Variants in RHOU observed in about 807,000 individuals in gnomAD.
RHOU encodes the protein ras homolog family member U.
A neutral mutation model predicts 12.6 loss-of-function variants in RHOU; 8 were observed. The observed-to-expected ratio is 0.64, with a 90% CI of 0.37 to 1.15. The LOEUF is 1.15. RHOU is among the 50% of genes most tolerant of loss of function. The pLI, the probability that RHOU is intolerant of heterozygous loss-of-function variation, is 0.01. For missense variants in RHOU, 258 were observed against 347.0 expected (o/e 0.74, Z 2.04); for synonymous variants, 161 against 147.4 (o/e 1.09, Z -0.67).
chr1:228,730,342 G>T, the RHOU span, among the ~76,000 whole-genome samples: 29 of 152,310 alleles, frequency 1.9e-4, no homozygotes, highest in African/African-American at 7.0e-4. Context: ...GAGGCATGAG[G>T]TGTAGGGACT....
At chr1:228,682,585 G>A in the RHOU span, among the ~76,000 whole-genome samples, 1 of 152,080 alleles carries the variant, frequency 6.6e-6, no homozygotes, top group Non-Finnish European at 1.5e-5. Flanking sequence ...GAATTACAAA[G>A]AATCTTCTCA....
chr1:228,730,480 A>G (rs2207704), upstream of RHOU, among the ~76,000 whole-genome samples: 25,582 of 152,120 alleles, frequency 0.17, 2,818 homozygotes, highest in African/African-American at 0.31. Flanking sequence ...CGCTGTGTCC[A>G]TCCACTGGCA....
chr1:228,677,755 T>G, the RHOU span, among the ~76,000 whole-genome samples: 1 of 152,180 alleles, frequency 6.6e-6, no homozygotes, highest in South Asian at 2.1e-4. Context: ...ACTGAAGATC[T>G]TCTATCCAAT....
chr1:228,654,972 A>C, the RHOU span, among the ~76,000 whole-genome samples: 1,820 of 152,358 alleles, frequency 0.012, 42 homozygotes, highest in African/African-American at 0.041. Context: ...ATAAAAAAAC[A>C]GTCCACATGG....
chr1:228,733,383 C>T (rs1467186211), upstream of RHOU, among the ~76,000 whole-genome samples: 1 of 152,340 alleles, frequency 6.6e-6, no homozygotes, highest in East Asian at 1.9e-4. Flanking sequence ...CAAGGGCTCA[C>T]TGGAGCCTCG....
chr1:228,674,817 G>A, the RHOU span, among the ~76,000 whole-genome samples: 2 of 151,870 alleles, frequency 1.3e-5, no homozygotes, highest in Admixed American at 6.6e-5. Context: ...TGCAAGCTCC[G>A]CCTCTCGGGT....
the RHOU span, among the ~76,000 whole-genome samples, chr1:228,674,399 C>T: frequency 2.8e-5 from 4 of 144,472 alleles, no homozygotes; most frequent in Admixed American, 7.0e-5. Flanking sequence ...CAGGCTGGAG[C>T]GCAGTGGTGC....
At chr1:228,681,921 A>G in the RHOU span, among the ~76,000 whole-genome samples, 271 of 152,246 alleles carry the variant, frequency 1.8e-3, no homozygotes, top group East Asian at 5.6e-3. Flanking sequence ...TGTCCCCACA[A>G]TTGACTTGCC....
At chr1:228,669,971 C>T in the RHOU span, among the ~76,000 whole-genome samples, 8 of 152,152 alleles carry the variant, frequency 5.3e-5, no homozygotes, top group African/African-American at 1.9e-4. Context: ...TGAAAACCTC[C>T]AGGCTCATAC....
At chr1:228,710,545 A>T in the RHOU span, among the ~76,000 whole-genome samples, 1 of 152,068 alleles carries the variant, frequency 6.6e-6, no homozygotes, top group African/African-American at 2.4e-5. Context: ...TATAAACAGA[A>T]CCAAAGATAA....
At chr1:228,677,437 T>C in the RHOU span, among the ~76,000 whole-genome samples, 3 of 152,176 alleles carry the variant, frequency 2.0e-5, no homozygotes, top group South Asian at 6.2e-4. Flanking sequence ...TTTTATGTTG[T>C]CATATACCAG....
chr1:228,700,064 G>A, the RHOU span, among the ~76,000 whole-genome samples: 2 of 152,078 alleles, frequency 1.3e-5, no homozygotes, highest in African/African-American at 4.8e-5. Context: ...ATGAGTCATG[G>A]ATATAGAGCT....
chr1:228,734,437 C>A, upstream of RHOU, among the ~76,000 whole-genome samples: 1 of 152,146 alleles, frequency 6.6e-6, no homozygotes, highest in East Asian at 1.9e-4. Context: ...GGGTTTGGAT[C>A]CTGGCATTGC....
the RHOU span, among the ~76,000 whole-genome samples, chr1:228,718,687 A>G: frequency 2.0e-5 from 3 of 152,200 alleles, no homozygotes; most frequent in African/African-American, 7.2e-5. Context: ...AGGTGGTTTA[A>G]AGCTCAGATG....
intron 1 of RHOU, among the ~76,000 whole-genome samples, chr1:228,736,281 T>A (rs2318790): frequency 0.16 from 19,092 of 119,008 alleles, 1,885 homozygotes; most frequent in South Asian, 0.22. Context: ...AAAAAAAAAA[T>A]CTCACAATTT....
chr1:228,725,559 C>T, the RHOU span, among the ~76,000 whole-genome samples: 1 of 152,210 alleles, frequency 6.6e-6, no homozygotes, highest in African/African-American at 2.4e-5. Flanking sequence ...TGCCAAAGAA[C>T]AGAGCACTTC....
chr1:228,711,948 C>G, the RHOU span, among the ~76,000 whole-genome samples: 32 of 139,390 alleles, frequency 2.3e-4, no homozygotes, highest in Non-Finnish European at 2.6e-4. Flanking sequence ...ACAATGAACT[C>G]AAACAAATTT....
At chr1:228,741,617 G>A (rs1662721535) in intron 2 of RHOU, among the ~76,000 whole-genome samples, 1 of 152,240 alleles carries the variant, frequency 6.6e-6, no homozygotes, top group Admixed American at 6.5e-5. Flanking sequence ...CTGTGTTTCT[G>A]TGTTTATTTA....
At chr1:228,648,740 CAG>C in the RHOU span, among the ~76,000 whole-genome samples, 2 of 152,058 alleles carry the variant, frequency 1.3e-5, no homozygotes, top group African/African-American at 2.4e-5. Context: ...ATTTTTGAGA[CAG>C]AGTCACATTA....
Sources: allele counts gnomAD v4.1 joint callset (sites outside exome capture counted in the v4.1 genomes callset), GRCh38; gene constraint gnomAD v4.1.1; transcripts MANE v1.5; gene names NCBI Gene and HGNC (gene_info 2026-07-23, HGNC 2026-07-21).